The following L3MBTL4 variants were observed in gnomAD, a reference collection of about 807,000 sequenced individuals.
L3MBTL4 encodes the protein lethal(3)malignant brain tumor-like protein 4.
A neutral mutation model predicts 84.5 loss-of-function variants in L3MBTL4; 70 were observed. The observed-to-expected ratio is 0.83, with a 90% CI of 0.68 to 1.01. The LOEUF (loss-of-function observed/expected upper bound fraction) is 1.01. Among genes scored for constraint, L3MBTL4 ranks in the 50% least tolerant of loss-of-function variants. The probability of loss-of-function intolerance (pLI) is 0.00; values close to 1 mark genes in which losing one functional copy is unlikely to be tolerated. For synonymous variants in L3MBTL4, 274 were observed against 259.8 expected, an observed-to-expected ratio of 1.05 and a Z score of -0.52; for missense variants, 715 against 754.8, an observed-to-expected ratio of 0.95 and a Z score of 0.62.
At chr18:6,304,305 T>G (rs1467343284) in intron 3 of L3MBTL4, among the ~76,000 whole-genome samples, 1 of 152,234 alleles carries the variant, frequency 6.6e-6, no homozygotes, top group Non-Finnish European at 1.5e-5. Context: ...TCGACAAATA[T>G]TTGATGCATG....
intron 7 of L3MBTL4, among the ~76,000 whole-genome samples, chr18:6,242,791 T>C (rs977660944): frequency 6.6e-6 from 1 of 152,230 alleles, no homozygotes; most frequent in Admixed American, 6.5e-5. Flanking sequence ...CACATCTGCC[T>C]GGCCCAGACT....
At chr18:6,205,397 T>C (rs1272045154) in intron 12 of L3MBTL4, among the ~76,000 whole-genome samples, 2 of 152,206 alleles carry the variant, frequency 1.3e-5, no homozygotes, top group Admixed American at 1.3e-4. Flanking sequence ...ACATAGTAAA[T>C]TTGTGGTGTT....
intron 16 of L3MBTL4, among the ~76,000 whole-genome samples, chr18:6,066,916 C>A (rs2057419061): frequency 7.1e-6 from 1 of 140,540 alleles, no homozygotes; most frequent in Non-Finnish European, 1.5e-5. Context: ...TGCCTAGATA[C>A]TTTGTTTTTT....
intron 16 of L3MBTL4, among the ~76,000 whole-genome samples, chr18:5,986,103 G>A (rs2053452741): frequency 6.6e-6 from 1 of 152,184 alleles, no homozygotes; most frequent in Non-Finnish European, 1.5e-5. Flanking sequence ...TGATTTACCT[G>A]AGAATGAAAT....
chr18:5,961,578 G>T (rs951343419), intron 17 of L3MBTL4, among the ~76,000 whole-genome samples: 6 of 152,116 alleles, frequency 3.9e-5, no homozygotes, highest in African/African-American at 7.2e-5. Context: ...GAGTGATAAG[G>T]ATTAAAACAA....
chr18:6,021,770 G>A (rs143297922), intron 16 of L3MBTL4, among the ~76,000 whole-genome samples: 1 of 152,116 alleles, frequency 6.6e-6, no homozygotes, highest in Non-Finnish European at 1.5e-5. Flanking sequence ...CAGCGGGGTG[G>A]GGGGGTGGCG....
chr18:6,362,461 G>T (rs59376134), intron 1 of L3MBTL4, among the ~76,000 whole-genome samples: 30 of 152,278 alleles, frequency 2.0e-4, no homozygotes, highest in African/African-American at 6.5e-4. Context: ...GCCCCTCTCT[G>T]CTGGAAAACT....
intron 1 of L3MBTL4, among the ~76,000 whole-genome samples, chr18:6,404,082 T>C (rs1256060798): frequency 1.3e-5 from 2 of 151,138 alleles, no homozygotes; most frequent in East Asian, 3.9e-4. Context: ...ACAATGGACT[T>C]TGGGGACTTG....
chr18:6,234,240 C>G (rs1279569770), intron 10 of L3MBTL4, among the ~76,000 whole-genome samples: 1 of 152,148 alleles, frequency 6.6e-6, no homozygotes, highest in East Asian at 1.9e-4. Flanking sequence ...CAGTACCATT[C>G]AGGACATAGG....
Position 6,400,190 on chromosome 18 carries a change from T to C in L3MBTL4, c.-91+14611A>G, listed in dbSNP as rs565088292. ...GTTAAATGTATCACAAATTACACTA[T>C]TGAAAAGTTTTGTGAAACTAAAACA... On this transcript the variant is annotated intron_variant, in intron 1 of 18. Transcript: ENST00000317931. Among the ~76,000 whole-genome samples the C allele has an allele frequency of 2.3e-4, 35 of 152,354 alleles. 1 individual carries two copies. The South Asian group carries it at 7.0e-3, about 31-fold the overall frequency.
At chr18:6,103,344 A>G (rs1555654669) in intron 14 of L3MBTL4, among the ~76,000 whole-genome samples, 6 of 152,224 alleles carry the variant, frequency 3.9e-5, no homozygotes, top group Non-Finnish European at 2.9e-5. Flanking sequence ...TAATTGTAAC[A>G]TTTTGGTTAA....
intron 16 of L3MBTL4, among the ~76,000 whole-genome samples, chr18:6,032,432 A>T (rs2055867493): frequency 6.6e-6 from 1 of 151,272 alleles, no homozygotes; most frequent in Non-Finnish European, 1.5e-5. Flanking sequence ...CATCAAAATA[A>T]TACAGGTCGA....
chr18:6,397,383 G>A (rs1005480638), intron 1 of L3MBTL4: 1 of 152,142 alleles, frequency 6.6e-6, no homozygotes, highest in Non-Finnish European at 1.5e-5. Context: ...CTATAGCTAT[G>A]TGTAATTTGT....
intron 13 of L3MBTL4, among the ~76,000 whole-genome samples, chr18:6,160,731 CA>C (rs560903489): frequency 0.069 from 3,337 of 48,472 alleles, 46 homozygotes; most frequent in African/African-American, 0.12. Context: ...AGATCCGTCT[CA>C]AAAAAAAAAA....
chr18:6,018,861 G>T (rs960206726), intron 16 of L3MBTL4, among the ~76,000 whole-genome samples: 2 of 152,212 alleles, frequency 1.3e-5, no homozygotes, highest in African/African-American at 4.8e-5. Context: ...AAAGATGCCT[G>T]AGGCTACGCA....
chr18:6,031,075 T>C (rs940733709), intron 16 of L3MBTL4: 49 of 985,270 alleles, frequency 5.0e-5, no homozygotes, highest in Non-Finnish European at 5.9e-5. Context: ...TACATCCAAT[T>C]ATTAATTATA....
At chr18:6,278,854 C>T (rs144839650) in intron 4 of L3MBTL4, among the ~76,000 whole-genome samples, 1,636 of 150,708 alleles carry the variant, frequency 0.011, 14 homozygotes, top group Non-Finnish European at 0.018. Context: ...TATTCTTTCT[C>T]GCTTTTACTT....
At chr18:6,202,733 A>G (rs1197779958) in intron 12 of L3MBTL4, among the ~76,000 whole-genome samples, 5 of 152,158 alleles carry the variant, frequency 3.3e-5, no homozygotes, top group African/African-American at 1.2e-4. Flanking sequence ...GCAATTTGGT[A>G]GATCAGGCTA....
intron 10 of L3MBTL4, among the ~76,000 whole-genome samples, chr18:6,216,160 C>A (rs1333798322): frequency 6.6e-6 from 1 of 152,114 alleles, no homozygotes; most frequent in Non-Finnish European, 1.5e-5. Context: ...CAACAGAAGG[C>A]TCCTTAGCAG....
Sources: allele counts gnomAD v4.1 joint callset (sites outside exome capture counted in the v4.1 genomes callset), GRCh38; gene constraint gnomAD v4.1.1; transcripts MANE v1.5; gene names NCBI Gene and HGNC (gene_info 2026-07-23, HGNC 2026-07-21).